Variants in HMGXB3 observed in about 807,000 individuals in gnomAD.
HMGXB3 encodes HMG-box containing 3, also known as HMG domain-containing protein 3.
In HMGXB3, 45 loss-of-function variants were observed where a neutral mutation model predicts 121.5. The observed-to-expected ratio is 0.37, with a 90% confidence interval of 0.29 to 0.47. HMGXB3 has a LOEUF of 0.47. Ranked by LOEUF, HMGXB3 falls within the 20% of genes least tolerant of loss-of-function variation. HMGXB3 has a pLI of 0.99. For missense variants in HMGXB3, 1,376 were observed against 1,602.2 expected (o/e 0.86, Z 2.41); for synonymous variants, 590 against 624.1 (o/e 0.95, Z 0.81).
chr5:150,001,291 G>GT (rs1755557696), intron 1 of HMGXB3, 112 bp downstream of exon 1: 1 of 152,336 alleles, frequency 6.6e-6, no homozygotes, highest in Admixed American at 6.5e-5. Flanking sequence ...CTGAGCCTTA[G>GT]TGTCCTCCTT....
At chr5:150,037,553 A>G in intron 13 of HMGXB3, 26 bp downstream of exon 13, 2 of 1,495,286 alleles carry the variant, frequency 1.3e-6, no homozygotes, top group Non-Finnish European at 1.8e-6. Flanking sequence ...CTCTTCCCTC[A>G]GAGCATCCCA....
Position 150,053,015 on chromosome 5 carries a change from G to C in HMGXB3, c.*823G>C, listed in dbSNP as rs1020782549. 1 of 164,928 alleles carries C rather than the reference G, an allele frequency of 6.1e-6. No individual in the cohort carries two copies. The highest frequency in any genetic ancestry group is 1.3e-5 in the Non-Finnish European group (1 of 75,336). 10.2% of individuals were successfully genotyped at this position (164,928 alleles called of 1,614,324 possible). A position where few individuals can be genotyped will look rare whatever the true frequency, so the allele number is the denominator to read the frequency against. ...TAAGGAAACAGCAGGACTGGCTCAA[G>C]TGCCCAAGGTTTGTTTAGGGCCTGG... On this transcript the variant is annotated 3_prime_UTR_variant, in exon 20 of 20. Transcript: ENST00000502717.
At chr5:150,035,509 A>G (rs559361779) in intron 11 of HMGXB3, among the ~76,000 whole-genome samples, 137 of 152,350 alleles carry the variant, frequency 9.0e-4, no homozygotes, top group African/African-American at 3.2e-3. Context: ...AGCATTAAGC[A>G]TTTAACTTCT....
chr5:150,012,990 T>G (rs1169201364), intron 5 of HMGXB3, among the ~76,000 whole-genome samples: 1 of 152,250 alleles, frequency 6.6e-6, no homozygotes, highest in East Asian at 1.9e-4. Context: ...CTGGTAACTT[T>G]TGTAGATGCT....
intron 13 of HMGXB3, among the ~76,000 whole-genome samples, chr5:150,039,734 C>T (rs10045945): frequency 0.84 from 127,976 of 152,172 alleles, 54,238 homozygotes; most frequent in African/African-American, 0.96. Context: ...ACATTTGTAC[C>T]TGGTGATTTC....
chr5:150,028,501 ATGTATGTGTGTG>A lies in HMGXB3; in HGVS notation c.1734+1388_1734+1399del, dbSNP rs1349344995. On this transcript the variant is annotated intron_variant, in intron 9 of 19. Coordinates refer to ENST00000502717, the MANE Select transcript of HMGXB3 (RefSeq NM_014983.3). ...TTGATATATATATGTATATATATGT[ATGTATGTGTGTG>A]TGTGTGTGTGTGTGTGTGTGTGTGT... 5.5e-3 allele frequency among the ~76,000 whole-genome samples: 536 copies of A among 96,728 alleles called. 15 individuals are homozygous for A. Among genetic ancestry groups the A allele is most frequent in the African/African-American group, 0.019 (473 of 25,020 alleles). 63.5% of individuals were successfully genotyped at this position (96,728 alleles called of 152,430 possible).
Position 150,010,526 on chromosome 5 carries a change from G to T in HMGXB3, c.728G>T (p.Gly243Val). 1.3e-6 allele frequency: 2 copies of T among 1,551,564 alleles called. No individual in the cohort carries two copies. The highest frequency in any genetic ancestry group is 8.7e-7 in the Non-Finnish European group (1 of 1,146,976). ...SLVIEETLVNGSPDLPTGSLA... is the reference protein window; with the variant it reads ...SLVIEETLVNVSPDLPTGSLA... The stretch of plus-strand genomic sequence containing the variant: ...GTAATTGAAGAGACCTTGGTGAATG[G>T]CTCACCAGACCTCCCCACTGGAAGC... The change falls in exon 4 of 20, where the codon GGC becomes GTC. Residue 243 changes from glycine to valine, a missense_variant. Gly to Val is a moderately radical substitution (Grantham distance 109). Transcript: ENST00000502717.
At position 150,050,266 on chromosome 5, in the gene HMGXB3, C is replaced by G. The variant is rs1218765900; in HGVS notation, c.3216C>G (p.Ser1072=). 5 of 1,551,912 alleles carry G rather than the reference C, an allele frequency of 3.2e-6. No homozygotes were observed. The highest frequency in any genetic ancestry group is 4.4e-6 in the Non-Finnish European group (5 of 1,147,012). ...KVCPHQVVCG[S]KYLVRGESAR... is the part of the protein sequence containing the mutation. ...TCATCTCCCAGGTGGTCTGCGGCTC[C>G]AAGTATCTTGTGCGAGGTGAGAGTG... The change falls in exon 19 of 20, where the codon TCC becomes TCG. Residue 1072 remains serine, a synonymous_variant. Transcript: ENST00000502717.
rs1326383142 is a variant in HMGXB3 at position 150,052,094 on chromosome 5, G to A, written c.3781G>A (p.Val1261Ile). The A allele has an allele frequency of 1.3e-6, 2 of 1,551,714 alleles. No homozygotes were observed. Among genetic ancestry groups the A allele is most frequent in the African/African-American group, 1.4e-5 (1 of 73,060 alleles). Residue 1261 changes from valine (V) to isoleucine (I), a missense_variant, in exon 20 of 20, where the codon GTC becomes ATC. Physicochemically the swap from Val to Ile is conservative, Grantham distance 29. Transcript: ENST00000502717. ...ACAGAGCTGCCAGCCTGGTGAGGTG[G>A]TCATTCGTGACACCCTCTACCGCCT... ...IVQSCQPGEVVIRDTLYRLGV... is the reference protein window; with the variant it reads ...IVQSCQPGEVIIRDTLYRLGV...
intron 1 of HMGXB3, among the ~76,000 whole-genome samples, chr5:150,001,648 C>T (rs984211606): frequency 1.6e-4 from 24 of 152,106 alleles, no homozygotes; most frequent in African/African-American, 5.1e-4. Flanking sequence ...CCTCTAGAGC[C>T]CTTCGTTTTT....
intron 18 of HMGXB3, among the ~76,000 whole-genome samples, chr5:150,049,009 A>G (rs1459848549): frequency 6.6e-6 from 1 of 152,202 alleles, no homozygotes; most frequent in Non-Finnish European, 1.5e-5. Context: ...AGCTTGTGGC[A>G]TTGGCTCTGA....
chr5:150,046,617 C>G (rs1756761129), intron 16 of HMGXB3, among the ~76,000 whole-genome samples: 1 of 151,996 alleles, frequency 6.6e-6, no homozygotes. Context: ...TCGAGACCAT[C>G]CTGGCTAACA....
chr5:150,052,471 A>C lies in HMGXB3; in HGVS notation c.*279A>C, dbSNP rs1383917539. ...TTTAATGGAGGGGAGGCTGAGGGAAAGGCTCGTAGCTGGTGGGTTCCGTGG... is the reference window on the plus strand; with the variant it reads ...TTTAATGGAGGGGAGGCTGAGGGAACGGCTCGTAGCTGGTGGGTTCCGTGG... On this transcript the variant is annotated 3_prime_UTR_variant, in exon 20 of 20. Transcript: ENST00000502717. 1.2e-5 allele frequency: 5 copies of C among 430,460 alleles called. No individual in the cohort carries two copies. In the East Asian group the frequency reaches 2.0e-4, roughly 17 times the overall value. 26.7% of individuals were successfully genotyped at this position (430,460 alleles called of 1,614,324 possible).
chr5:150,036,061 A>T (rs561980998), intron 11 of HMGXB3, among the ~76,000 whole-genome samples: 1 of 152,188 alleles, frequency 6.6e-6, no homozygotes, highest in Non-Finnish European at 1.5e-5. Flanking sequence ...AGACTCAGAA[A>T]GATTAAGTAA....
chr5:150,007,429 A>C (rs987913518), intron 3 of HMGXB3, among the ~76,000 whole-genome samples: 1 of 151,984 alleles, frequency 6.6e-6, no homozygotes, highest in Non-Finnish European at 1.5e-5. Flanking sequence ...TTTATCCTTA[A>C]CTCCTTATTT....
intron 6 of HMGXB3, among the ~76,000 whole-genome samples, chr5:150,020,023 T>C (rs1756050736): frequency 6.6e-6 from 1 of 152,198 alleles, no homozygotes. Flanking sequence ...GTCAAGACAT[T>C]CTATATCTGT....
chr5:150,018,401 G>A (rs1756007520), intron 5 of HMGXB3, among the ~76,000 whole-genome samples, 165 bp from the exon 6 acceptor site: 1 of 152,172 alleles, frequency 6.6e-6, no homozygotes, highest in African/African-American at 2.4e-5. Flanking sequence ...TCTAAAGAGT[G>A]AATTTGTTGT....
chr5:150,005,598 C>CAA (rs760181326), intron 2 of HMGXB3, among the ~76,000 whole-genome samples: 4,468 of 81,892 alleles, frequency 0.055, 311 homozygotes, highest in African/African-American at 0.18. Context: ...AAACTCCTCT[C>CAA]AAAAAAAAAA....
chr5:150,051,239 G>A (rs758919008), intron 19 of HMGXB3, among the ~76,000 whole-genome samples: 1 of 152,150 alleles, frequency 6.6e-6, no homozygotes, highest in African/African-American at 2.4e-5. Context: ...CCAGCCTTTG[G>A]CCTTTGCTGA....
Sources: gnomAD v4.1 joint callset for allele counts (sites outside exome capture counted in the v4.1 genomes callset) on GRCh38, gnomAD v4.1.1 for gene constraint, MANE v1.5 for transcripts, NCBI Gene and HGNC (gene_info 2026-07-23, HGNC 2026-07-21) for gene names.